Variants in YEATS2 observed in about 807,000 individuals in gnomAD.
The protein encoded by YEATS2 is YEATS domain-containing protein 2.
In YEATS2, 77 loss-of-function variants were observed where a neutral mutation model predicts 163.2. The ratio of observed to expected loss-of-function variants is 0.47; its 90% confidence interval spans 0.39 to 0.57. The LOEUF (loss-of-function observed/expected upper bound fraction) is 0.57, where lower values mean the gene tolerates loss of function less well. Among genes scored for constraint, YEATS2 ranks in the 20% least tolerant of loss-of-function variants. The pLI is 0.00. For synonymous variants in YEATS2, 631 were observed against 645.1 expected, an observed-to-expected ratio of 0.98 and a Z score of 0.33; for missense variants, 1,549 against 1,729.8, an observed-to-expected ratio of 0.90 and a Z score of 1.85.
rs891194275 is a variant in YEATS2, at chr3:183,697,930, C to G, written c.-83C>G. The G allele has an allele frequency of 2.6e-5, 4 of 151,748 alleles. No homozygotes were observed. Among genetic ancestry groups the G allele is most frequent in the African/African-American group, 9.7e-5 (4 of 41,398 alleles). 9.4% of individuals were successfully genotyped at this position (151,748 alleles called of 1,614,324 possible). On this transcript the variant is annotated 5_prime_UTR_variant, in exon 1 of 31. Coordinates refer to ENST00000305135, the MANE Select transcript of YEATS2 (RefSeq NM_018023.5). ...CCGCGGGGCTTCGCCCGCTCTCTCACCTCGCCGTGCTCTCTCGCGGCGGCC... is the reference window on the plus strand; with the variant it reads ...CCGCGGGGCTTCGCCCGCTCTCTCAGCTCGCCGTGCTCTCTCGCGGCGGCC...
intron 1 of YEATS2, among the ~76,000 whole-genome samples, chr3:183,704,155 A>G (rs1714386738): frequency 6.6e-6 from 1 of 151,836 alleles, no homozygotes; most frequent in African/African-American, 2.4e-5. Context: ...CATCTCAAAA[A>G]AAAAAAAAAA....
intron 15 of YEATS2, among the ~76,000 whole-genome samples, chr3:183,768,081 A>ACT (rs1722090347): frequency 6.6e-6 from 1 of 152,238 alleles, no homozygotes; most frequent in African/African-American, 2.4e-5. Context: ...ATCTTAGTTA[A>ACT]GAGAAAAGTT....
chr3:183,749,297 C>T (rs527635492), intron 9 of YEATS2, among the ~76,000 whole-genome samples: 35 of 152,222 alleles, frequency 2.3e-4, no homozygotes, highest in Non-Finnish European at 3.8e-4. Flanking sequence ...CAAAATTTAC[C>T]GTCTTACCCA....
At position 183,812,613 on chromosome 3, in the gene YEATS2, T is replaced by C. The variant is rs367903870; in HGVS notation, c.*2030T>C. The C allele has an allele frequency of 6.5e-6, 1 of 152,738 alleles. No homozygotes were observed. The highest frequency in any genetic ancestry group is 1.5e-5 in the Non-Finnish European group (1 of 68,026). 9.5% of individuals were successfully genotyped at this position (152,738 alleles called of 1,614,324 possible). ...AACAAAATTGTCTACAATAAATCTT[T>C]TGGTATTTGTGGTGGGTGTTTCTGA... On this transcript the variant is annotated 3_prime_UTR_variant, in exon 31 of 31. Coordinates refer to ENST00000305135, the MANE Select transcript of YEATS2 (RefSeq NM_018023.5).
chr3:183,777,017 A>G (rs1723071793), intron 18 of YEATS2, among the ~76,000 whole-genome samples: 1 of 152,078 alleles, frequency 6.6e-6, no homozygotes, highest in Admixed American at 6.6e-5. Context: ...AAAGATTTCT[A>G]CTATGCTAAT....
intron 1 of YEATS2, among the ~76,000 whole-genome samples, chr3:183,711,782 G>A (rs35132908): frequency 0.2 from 29,863 of 151,510 alleles, 3,214 homozygotes; most frequent in East Asian, 0.33. Context: ...TGAAAGAACT[G>A]GACTAAGAGC....
At chr3:183,755,904 A>G (rs1312284151) in intron 11 of YEATS2, among the ~76,000 whole-genome samples, 1 of 150,304 alleles carries the variant, frequency 6.7e-6, no homozygotes, top group Non-Finnish European at 1.5e-5. Context: ...GCGCCACCAC[A>G]CCCAGCTAAT....
intron 27 of YEATS2, chr3:183,806,219 A>G: frequency 2.2e-6 from 1 of 444,692 alleles, no homozygotes; most frequent in Non-Finnish European, 4.5e-6. Flanking sequence ...TTTTCAGGAT[A>G]TAGCCCCAGC....
intron 5 of YEATS2, among the ~76,000 whole-genome samples, chr3:183,723,048 C>T (rs766335271): frequency 9.2e-5 from 14 of 152,226 alleles, no homozygotes; most frequent in Admixed American, 2.0e-4. Context: ...CCTTCTAGCT[C>T]GGCAATTCCG....
At chr3:183,801,629 A>G in intron 25 of YEATS2, 101 bp downstream of exon 25, 2 of 899,142 alleles carry the variant, frequency 2.2e-6, no homozygotes, top group East Asian at 2.8e-5. Flanking sequence ...TAATATTGAT[A>G]TGGCGGTTAC....
intron 1 of YEATS2, among the ~76,000 whole-genome samples, chr3:183,707,678 A>ATTTTTTTTTTTTTTTTTTTT (rs1176429941): frequency 9.4e-6 from 1 of 106,158 alleles, no homozygotes; most frequent in African/African-American, 3.8e-5. Flanking sequence ...TTCCCCACCT[A>ATTTTTTTTTTTTTTTTTTTT]TTTTTTTTTT....
In YEATS2 at chr3:183,797,269, G is replaced by GAAA. The variant is rs1167929691; in HGVS notation, c.3098-637_3098-635dup. ...GGGTGACAGAGCGAGATCCAACTCT[G>GAAA]AAAAAAAAAAAAAAAAAAAGCCCAG... is the stretch of plus-strand genomic sequence containing the variant. On this transcript the variant is annotated intron_variant, in intron 21 of 30. Coordinates refer to ENST00000305135, the MANE Select transcript of YEATS2 (RefSeq NM_018023.5). Among the ~76,000 whole-genome samples the GAAA allele has an allele frequency of 4.9e-3, 353 of 72,594 alleles. 7 individuals are homozygous for GAAA. Among genetic ancestry groups the GAAA allele is most frequent in the African/African-American group, 0.016 (287 of 18,504 alleles). 47.6% of individuals were successfully genotyped at this position (72,594 alleles called of 152,430 possible).
At chr3:183,792,872 T>C (rs1442058545) in intron 21 of YEATS2, among the ~76,000 whole-genome samples, 1 of 152,194 alleles carries the variant, frequency 6.6e-6, no homozygotes, top group Non-Finnish European at 1.5e-5. Context: ...AGCCTGTTTG[T>C]ATTACTTAAT....
intron 21 of YEATS2, chr3:183,793,436 T>C (rs1041635478): frequency 6.7e-5 from 67 of 1,001,424 alleles, no homozygotes; most frequent in Non-Finnish European, 7.6e-5. Context: ...TGAGGCCCTG[T>C]GTTGGATACT....
chr3:183,774,775 CTCA>C (rs1418632337), intron 17 of YEATS2, among the ~76,000 whole-genome samples: 2 of 152,198 alleles, frequency 1.3e-5, no homozygotes, highest in Non-Finnish European at 2.9e-5. Flanking sequence ...AGTGTGTCAG[CTCA>C]TCATCCTTGC....
intron 1 of YEATS2, among the ~76,000 whole-genome samples, chr3:183,701,049 A>ATG (rs1194959328): frequency 2.8e-5 from 4 of 144,802 alleles, no homozygotes; most frequent in South Asian, 2.1e-4. Flanking sequence ...GTGTATATAT[A>ATG]TATGTGTGTG....
At chr3:183,801,213 C>G (rs551296943) in intron 24 of YEATS2, 135 of 360,426 alleles carry the variant, frequency 3.7e-4, no homozygotes, top group African/African-American at 2.4e-3. Flanking sequence ...GATTAAATGT[C>G]TGTAATATGT....
chr3:183,777,782 C>T lies in YEATS2; in HGVS notation c.2736+82C>T, dbSNP rs1026105083. 2.0e-6 allele frequency: 3 copies of T among 1,486,814 alleles called. No individual in the cohort carries two copies. The African/African-American group carries it at 4.2e-5, about 21-fold the overall frequency. 92.1% of individuals were successfully genotyped at this position (1,486,814 alleles called of 1,614,324 possible). ...TATTTACATGTAGTTTCTCTCTTTT[C>T]ACAAAGAAATTAAGGTTACATAAGA... On this transcript the variant is annotated intron_variant, in intron 19 of 30. Transcript: ENST00000305135.
chr3:183,761,486 T>G, intron 13 of YEATS2, 21 bp from the exon 14 acceptor site: 3 of 1,586,764 alleles, frequency 1.9e-6, no homozygotes, highest in Non-Finnish European at 2.6e-6. Context: ...GATTGTAAAA[T>G]ATGTATTTTT....
Sources: gnomAD v4.1 joint callset for allele counts (sites outside exome capture counted in the v4.1 genomes callset) on GRCh38, gnomAD v4.1.1 for gene constraint, MANE v1.5 for transcripts, NCBI Gene and HGNC (gene_info 2026-07-23, HGNC 2026-07-21) for gene names.